The following UBE2E2 variants were observed in gnomAD, a reference collection of about 807,000 sequenced individuals.
UBE2E2 encodes the protein ubiquitin conjugating enzyme E2 E2, also known as ubiquitin-conjugating enzyme E2 E2.
A neutral mutation model predicts 24.7 loss-of-function variants in UBE2E2; 6 were observed. The ratio of observed to expected loss-of-function variants is 0.24; its 90% CI spans 0.13 to 0.48. The LOEUF (loss-of-function observed/expected upper bound fraction) is 0.48. Ranked by LOEUF, UBE2E2 falls within the 20% of genes least tolerant of loss-of-function variation. The pLI is 0.99. For missense variants in UBE2E2, 169 were observed against 245.0 expected, an observed-to-expected ratio of 0.69 and a Z score of 2.07; for synonymous variants, 104 against 83.6, an observed-to-expected ratio of 1.24 and a Z score of -1.33.
intron 3 of UBE2E2, among the ~76,000 whole-genome samples, chr3:23,417,464 C>T (rs777348735): frequency 4.7e-4 from 72 of 152,264 alleles, no homozygotes; most frequent in Admixed American, 5.9e-4. Flanking sequence ...AGCCAGAGCT[C>T]TTCTGTATGA....
intron 3 of UBE2E2, among the ~76,000 whole-genome samples, chr3:23,347,767 C>T (rs529252475): frequency 1.3e-5 from 2 of 152,224 alleles, no homozygotes; most frequent in African/African-American, 4.8e-5. Flanking sequence ...TTTAATCTCC[C>T]TCTCACCAAC....
intron 3 of UBE2E2, among the ~76,000 whole-genome samples, chr3:23,297,549 C>A (rs1205332245): frequency 6.6e-6 from 1 of 152,170 alleles, no homozygotes; most frequent in African/African-American, 2.4e-5. Context: ...TTTCCCAGCA[C>A]CATTTATTAA....
chr3:23,433,166 G>C (rs1465792380), intron 3 of UBE2E2, among the ~76,000 whole-genome samples: 1 of 151,926 alleles, frequency 6.6e-6, no homozygotes. Flanking sequence ...GCCAGGCACT[G>C]TTTCAGGCAC....
At chr3:23,323,287 G>T (rs1272319351) in intron 3 of UBE2E2, among the ~76,000 whole-genome samples, 1 of 152,026 alleles carries the variant, frequency 6.6e-6, no homozygotes, top group African/African-American at 2.4e-5. Flanking sequence ...TTAATAATTT[G>T]CTCCTATAGT....
intron 5 of UBE2E2, among the ~76,000 whole-genome samples, chr3:23,568,248 C>A (rs1488042938): frequency 6.6e-6 from 1 of 152,196 alleles, no homozygotes; most frequent in Admixed American, 6.5e-5. Flanking sequence ...CACCCACTAT[C>A]ACAATTCCCT....
intron 3 of UBE2E2, among the ~76,000 whole-genome samples, chr3:23,411,844 A>G (rs762513999): frequency 6.6e-6 from 1 of 152,196 alleles, no homozygotes; most frequent in Non-Finnish European, 1.5e-5. Flanking sequence ...TGTTATAATT[A>G]TTATGTGTGA....
At chr3:23,402,412 G>A (rs1338112822) in intron 3 of UBE2E2, among the ~76,000 whole-genome samples, 1 of 152,220 alleles carries the variant, frequency 6.6e-6, no homozygotes. Context: ...GGCCAGAATG[G>A]TTTCAAAGTT....
chr3:23,331,439 A>G (rs1489744454), intron 3 of UBE2E2, among the ~76,000 whole-genome samples: 2 of 152,078 alleles, frequency 1.3e-5, no homozygotes. Context: ...TCAAAATGTA[A>G]TAAATACTTT....
intron 3 of UBE2E2, among the ~76,000 whole-genome samples, chr3:23,456,724 T>C (rs1698687532): frequency 6.6e-6 from 1 of 152,214 alleles, no homozygotes; most frequent in South Asian, 2.1e-4. Flanking sequence ...TTATATAGCG[T>C]AGGTAAAGTT....
At chr3:23,550,109 T>C (rs2125498021) in intron 5 of UBE2E2, among the ~76,000 whole-genome samples, 1 of 152,022 alleles carries the variant, frequency 6.6e-6, no homozygotes, top group Non-Finnish European at 1.5e-5. Context: ...AAGTTTGGAG[T>C]TTCAAATGTG....
At chr3:23,427,634 A>G (rs1697958686) in intron 3 of UBE2E2, among the ~76,000 whole-genome samples, 1 of 152,332 alleles carries the variant, frequency 6.6e-6, no homozygotes, top group South Asian at 2.1e-4. Context: ...GTCAGCATGG[A>G]TGAGAAGCAA....
chr3:23,575,041 C>T lies in UBE2E2; in HGVS notation c.509-14693C>T, dbSNP rs141164836. On this transcript the variant is annotated intron_variant, in intron 5 of 5. Coordinates refer to ENST00000396703, the MANE Select transcript of UBE2E2 (RefSeq NM_152653.4). ...TAGGGCTACTCAGCCTGTATTAGCA[C>T]TTGCAGTGGATAACATTAAAACCAT... Among the ~76,000 whole-genome samples, 37 of 152,306 alleles carry T rather than the reference C, an allele frequency of 2.4e-4. No individual in the cohort carries two copies. In the East Asian group the frequency reaches 6.2e-3, roughly 25 times the overall value.
At chr3:23,299,145 C>A (rs1300026741) in intron 3 of UBE2E2, among the ~76,000 whole-genome samples, 2 of 151,858 alleles carry the variant, frequency 1.3e-5, no homozygotes, top group East Asian at 3.8e-4. Flanking sequence ...TCCCCGTTAT[C>A]ATTTTTTATT....
chr3:23,320,220 T>TG (rs1238577747), intron 3 of UBE2E2, among the ~76,000 whole-genome samples: 1 of 152,210 alleles, frequency 6.6e-6, no homozygotes, highest in Non-Finnish European at 1.5e-5. Context: ...TTCACTTTAT[T>TG]AGTCCCTTCT....
At chr3:23,278,210 T>C (rs1321232987) in intron 3 of UBE2E2, among the ~76,000 whole-genome samples, 2 of 152,154 alleles carry the variant, frequency 1.3e-5, no homozygotes, top group Non-Finnish European at 2.9e-5. Context: ...TATTAACACA[T>C]AATTAAGTTA....
chr3:23,540,620 G>T lies in UBE2E2; in HGVS notation c.508+7919G>T, dbSNP rs138285791. Among the ~76,000 whole-genome samples the T allele has an allele frequency of 8.6e-3, 1,305 of 152,200 alleles. 11 individuals carry two copies. The highest frequency in any genetic ancestry group is 0.012 in the Non-Finnish European group (841 of 68,006). On this transcript the variant is annotated intron_variant, in intron 5 of 5. Coordinates refer to ENST00000396703, the MANE Select transcript of UBE2E2 (RefSeq NM_152653.4). Reference sequence around the variant, plus strand: ...GGGTTTCACCATGTTGATCAGGCTGGTCTCAAACTCCTGACCTCGTGATCC... The same window carrying T: ...GGGTTTCACCATGTTGATCAGGCTGTTCTCAAACTCCTGACCTCGTGATCC...
Position 23,272,276 on chromosome 3 carries a change from C to T in UBE2E2, c.227+54964C>T, listed in dbSNP as rs557795567. 1.3e-3 allele frequency among the ~76,000 whole-genome samples: 192 copies of T among 152,108 alleles called. 1 individual carries two copies. The highest frequency in any genetic ancestry group is 2.2e-3 in the Non-Finnish European group (147 of 67,960). On this transcript the variant is annotated intron_variant, in intron 3 of 5. Transcript: ENST00000396703. ...CCTGGGTGCTAAGTCCCTCACTGCC[C>T]GGGGCCGGCCGGCTTCTCTGAGTGT...
At chr3:23,521,578 A>G (rs1694868952) in intron 4 of UBE2E2, among the ~76,000 whole-genome samples, 1 of 152,212 alleles carries the variant, frequency 6.6e-6, no homozygotes, top group African/African-American at 2.4e-5. Context: ...TTGTTATTCA[A>G]GAGCAATTGT....
At chr3:23,205,463 T>C (rs1696122299) in intron 1 of UBE2E2, among the ~76,000 whole-genome samples, 1 of 152,242 alleles carries the variant, frequency 6.6e-6, no homozygotes, top group Non-Finnish European at 1.5e-5. Flanking sequence ...AATTGATTCA[T>C]AGACTACTTT....
Sources: gnomAD v4.1 joint callset for allele counts (sites outside exome capture counted in the v4.1 genomes callset) on GRCh38, gnomAD v4.1.1 for gene constraint, MANE v1.5 for transcripts, NCBI Gene and HGNC (gene_info 2026-07-23, HGNC 2026-07-21) for gene names.